ALDH4A1: variants seen among roughly 807,000 people sequenced by gnomAD.
The protein encoded by ALDH4A1 is aldehyde dehydrogenase 4 family member A1, also known as delta-1-pyrroline-5-carboxylate dehydrogenase, mitochondrial.
A neutral mutation model predicts 70.5 loss-of-function variants in ALDH4A1; 46 were observed. The ratio of observed to expected loss-of-function variants is 0.65; its 90% confidence interval spans 0.51 to 0.83. ALDH4A1 has a LOEUF of 0.83. ALDH4A1 is among the 40% of genes least tolerant of loss of function. The pLI, the probability that ALDH4A1 is intolerant of heterozygous loss-of-function variation, is 0.00. For missense variants in ALDH4A1, 749 were observed against 766.5 expected, an observed-to-expected ratio of 0.98 and a Z score of 0.27; for synonymous variants, 323 against 324.3, an observed-to-expected ratio of 1.00 and a Z score of 0.04.
At chr1:18,893,114 G>C (rs984494280) in intron 1 of ALDH4A1, among the ~76,000 whole-genome samples, 1 of 152,212 alleles carries the variant, frequency 6.6e-6, no homozygotes, top group African/African-American at 2.4e-5. Context: ...AAATAACTGA[G>C]TCTGTCCCAG....
At chr1:18,875,861 C>T (rs1321770023) in intron 12 of ALDH4A1, among the ~76,000 whole-genome samples, 4 of 152,214 alleles carry the variant, frequency 2.6e-5, no homozygotes, top group Non-Finnish European at 5.9e-5. Flanking sequence ...GTTCATGGTT[C>T]CCTCTGCCAC....
Position 18,883,428 on chromosome 1 carries a change from C to A in ALDH4A1, c.454G>T (p.Gly152Cys). The A allele has an allele frequency of 6.2e-7, 1 of 1,613,274 alleles. No individual in the cohort carries two copies. The highest frequency in any genetic ancestry group is 1.1e-5 in the South Asian group (1 of 91,082). ...EILAKTMVGQ[G>C]KTVIQAEIDA... ...ATCTCCGCTTGGATCACGGTCTTAC[C>A]CTGCAAGGCAGAGGGCCGGGGGTCA... The change falls in exon 6 of 15, where the codon GGT becomes TGT. Residue 152 changes from glycine (G) to cysteine (C), a missense_variant and splice_region_variant. By Grantham distance (159) the Gly-to-Cys change is radical. Coordinates refer to ENST00000375341, the MANE Select transcript of ALDH4A1 (RefSeq NM_003748.4).
At chr1:18,881,448 C>T (rs1934962773) in intron 8 of ALDH4A1, among the ~76,000 whole-genome samples, 1 of 152,138 alleles carries the variant, frequency 6.6e-6, no homozygotes, top group African/African-American at 2.4e-5. Flanking sequence ...TTCCAGTCTG[C>T]GAAGCTCTTT....
chr1:18,877,082 G>T, intron 11 of ALDH4A1, 126 bp downstream of exon 11: 1 of 1,223,852 alleles, frequency 8.2e-7, no homozygotes, highest in Non-Finnish European at 1.2e-6. Flanking sequence ...TGGCTGCTGA[G>T]CTGCCTTGAT....
chr1:18,883,832 T>C (rs938525974), intron 5 of ALDH4A1, among the ~76,000 whole-genome samples: 1 of 152,190 alleles, frequency 6.6e-6, no homozygotes, highest in Admixed American at 6.5e-5. Flanking sequence ...GATTGGTCAC[T>C]GGAAAACCAG....
chr1:18,878,677 T>C (rs1934832615), intron 9 of ALDH4A1, among the ~76,000 whole-genome samples: 2 of 152,322 alleles, frequency 1.3e-5, no homozygotes, highest in East Asian at 1.9e-4. Context: ...ATGGCAGACC[T>C]TGTCCTTGAA....
At chr1:18,887,455 T>C (rs28526299) in intron 3 of ALDH4A1, among the ~76,000 whole-genome samples, 19,989 of 152,176 alleles carry the variant, frequency 0.13, 1,547 homozygotes, top group East Asian at 0.28. Context: ...AAAAATTAGC[T>C]GGGCGTGGTG....
intron 14 of ALDH4A1, among the ~76,000 whole-genome samples, chr1:18,873,633 T>C (rs1934541227): frequency 6.6e-6 from 1 of 152,164 alleles, no homozygotes. Flanking sequence ...GGTGAACACG[T>C]CCACATGCCA....
chr1:18,885,439 CCGCCCCA>C, intron 5 of ALDH4A1, 27 bp downstream of exon 5: 1 of 649,310 alleles, frequency 1.5e-6, no homozygotes, highest in East Asian at 3.0e-5. Context: ...CCACCCCACC[CCGCCCCA>C]CCCACCCGGG....
At position 18,881,898 on chromosome 1, in the gene ALDH4A1, G is replaced by A. The variant is rs1934985760; in HGVS notation, c.679-11C>T. 4 of 1,612,054 alleles carry A rather than the reference G, an allele frequency of 2.5e-6. No homozygotes were observed. Among genetic ancestry groups the A allele is most frequent in the South Asian group, 1.1e-5 (1 of 90,864 alleles). ...TAGGACCACGTTGCCCTGCCCGGGA[G>A]GTGTTTCAGTGATGCATGAGGATGG... On this transcript the variant is annotated splice_polypyrimidine_tract_variant and intron_variant, in intron 7 of 14. Coordinates refer to ENST00000375341, the MANE Select transcript of ALDH4A1 (RefSeq NM_003748.4).
Position 18,880,915 on chromosome 1 carries a change from A to C in ALDH4A1, c.866+785T>G, listed in dbSNP as rs1266116920. 1.3e-5 allele frequency among the ~76,000 whole-genome samples: 2 copies of C among 152,104 alleles called. No individual in the cohort carries two copies. Among genetic ancestry groups the C allele is most frequent in the African/African-American group, 2.4e-5 (1 of 41,406 alleles). On this transcript the variant is annotated intron_variant, in intron 8 of 14. Transcript: ENST00000375341. This position sits in a 1 kb window ranked among gnomAD's most constrained non-coding sequence, Gnocchi z 5.1. ...CTGCTTGAAGCCTTCCATGGCTCCCATCACCTTCAGGATAAAGGCCAGACA... is the reference window on the plus strand; with the variant it reads ...CTGCTTGAAGCCTTCCATGGCTCCCCTCACCTTCAGGATAAAGGCCAGACA...
chr1:18,883,083 G>A (rs1314004140), intron 7 of ALDH4A1, 41 bp downstream of exon 7: 1 of 1,612,434 alleles, frequency 6.2e-7, no homozygotes. Context: ...GGACCAGGAG[G>A]ACAACCAGCT....
chr1:18,890,815 C>A, intron 1 of ALDH4A1: 1 of 985,492 alleles, frequency 1.0e-6, no homozygotes, highest in Non-Finnish European at 1.2e-6. Flanking sequence ...GACCCAAACT[C>A]CTCTCTCTAA....
intron 4 of ALDH4A1, among the ~76,000 whole-genome samples, chr1:18,886,132 A>T (rs1200824778): frequency 6.6e-6 from 1 of 151,942 alleles, no homozygotes; most frequent in African/African-American, 2.4e-5. Flanking sequence ...CTTTCCATCA[A>T]TGGTGTCTCC....
Position 18,881,949 on chromosome 1 carries a change from CACCCT to C in ALDH4A1, c.679-67_679-63del, listed in dbSNP as rs1934991423. On this transcript the variant is annotated intron_variant, in intron 7 of 14. Transcript: ENST00000375341. ...CGCCACCAGCCCCCAACCCCCACCCCACCCTACCCTACAGCATGGTTGTCCCTCAC... is the reference window on the plus strand; with the variant it reads ...CGCCACCAGCCCCCAACCCCCACCCCACCCTACAGCATGGTTGTCCCTCAC... The C allele has an allele frequency of 2.0e-6, 3 of 1,480,644 alleles. No homozygotes were observed. In the East Asian group the frequency reaches 7.3e-5, roughly 36 times the overall value. 91.7% of individuals were successfully genotyped at this position (1,480,644 alleles called of 1,614,324 possible).
rs115242915 is a variant in ALDH4A1 at position 18,886,823 on chromosome 1, G to A, written c.250-312C>T. ...TTTGTGGTCAGAGAGACATGGGTTC[G>A]AATCCTGGCTCTGCCACCTACTAGC... On this transcript the variant is annotated intron_variant, in intron 3 of 14. Transcript: ENST00000375341. Among the ~76,000 whole-genome samples the A allele has an allele frequency of 5.5e-3, 845 of 152,264 alleles. 4 individuals carry two copies. The highest frequency in any genetic ancestry group is 0.019 in the African/African-American group (803 of 41,536).
intron 1 of ALDH4A1, among the ~76,000 whole-genome samples, chr1:18,897,566 G>A (rs944948689): frequency 6.6e-6 from 1 of 152,144 alleles, no homozygotes; most frequent in Non-Finnish European, 1.5e-5. Flanking sequence ...CCCAAAAAAC[G>A]AAACACTCTG....
At chr1:18,882,677 TGA>T (rs1333822917) in intron 7 of ALDH4A1, 2 of 547,748 alleles carry the variant, frequency 3.7e-6, no homozygotes, top group Non-Finnish European at 7.4e-6. Flanking sequence ...TCGAAGCTGC[TGA>T]GAGGATGAAA....
At chr1:18,889,245 A>T in intron 3 of ALDH4A1, 117 bp downstream of exon 3, 1 of 906,680 alleles carries the variant, frequency 1.1e-6, no homozygotes, top group South Asian at 1.5e-5. Context: ...TGGGGTGGGG[A>T]GGGGCACTAT....
Sources: allele counts gnomAD v4.1 joint callset (sites outside exome capture counted in the v4.1 genomes callset), GRCh38; gene constraint gnomAD v4.1.1; non-coding constraint Gnocchi (gnomAD v3.1); transcripts MANE v1.5; gene names NCBI Gene and HGNC (gene_info 2026-07-23, HGNC 2026-07-21).